Variants in SYTL2 observed in about 807,000 individuals in gnomAD.
SYTL2 encodes synaptotagmin-like protein 2.
A neutral mutation model predicts 198.7 loss-of-function variants in SYTL2; 165 were observed. The ratio of observed to expected loss-of-function variants is 0.83; its 90% CI spans 0.73 to 0.94. The LOEUF (loss-of-function observed/expected upper bound fraction) is 0.94. Among genes scored for constraint, SYTL2 ranks in the 40% least tolerant of loss-of-function variants. The probability of loss-of-function intolerance (pLI) is 0.00; values close to 1 mark genes in which losing one functional copy is unlikely to be tolerated. For synonymous variants in SYTL2, 966 were observed against 917.7 expected (o/e 1.05, Z -0.95); for missense variants, 2,835 against 2,582.8 (o/e 1.10, Z -2.12).
chr11:85,717,976 A>G (rs117884470), intron 10 of SYTL2, among the ~76,000 whole-genome samples: 3,135 of 152,306 alleles, frequency 0.021, 61 homozygotes, highest in Admixed American at 0.036. Context: ...ATAAAATAAG[A>G]AAGACAGAAC....
At chr11:85,821,578 C>A in the SYTL2 span, among the ~76,000 whole-genome samples, 1 of 152,104 alleles carries the variant, frequency 6.6e-6, no homozygotes, top group Non-Finnish European at 1.5e-5. Flanking sequence ...CCTGGAAAGT[C>A]CAGCAATGGT....
intron 1 of SYTL2, among the ~76,000 whole-genome samples, chr11:85,801,132 T>A (rs1378317234): frequency 6.6e-6 from 1 of 152,010 alleles, no homozygotes; most frequent in East Asian, 1.9e-4. Flanking sequence ...GCCTCTCTGC[T>A]CCTCCCTCTA....
intron 8 of SYTL2, among the ~76,000 whole-genome samples, chr11:85,723,244 G>A (rs141461475): frequency 4.1e-4 from 62 of 152,210 alleles, no homozygotes; most frequent in South Asian, 1.0e-3. Flanking sequence ...TGTGGAGATC[G>A]ACTCAGGTCA....
intron 9 of SYTL2, chr11:85,719,255 ATGCCTCTGGGAGGCT>A (rs1450287627): frequency 1.1e-5 from 13 of 1,182,290 alleles, no homozygotes; most frequent in Non-Finnish European, 1.3e-5. Context: ...TCATTCACAT[ATGCCTCTGGGAGGCT>A]TGCTTGGGAA....
rs2084913780 is a variant in SYTL2 at position 85,705,045 on chromosome 11, A to C, written c.6019-17T>G. On this transcript the variant is annotated splice_polypyrimidine_tract_variant and intron_variant, in intron 15 of 19. Transcript: ENST00000359152. Reference sequence around the variant, plus strand: ...AATTTTATACTGAAGTTCAAAGAAGAAAATTAAATGATGAAAAACATTACT... The same window carrying C: ...AATTTTATACTGAAGTTCAAAGAAGCAAATTAAATGATGAAAAACATTACT... The C allele has an allele frequency of 6.3e-7, 1 of 1,583,386 alleles. No individual in the cohort carries two copies. Among genetic ancestry groups the C allele is most frequent in the Non-Finnish European group, 8.7e-7 (1 of 1,154,604 alleles).
At chr11:85,802,107 C>T (rs2092897924) in intron 1 of SYTL2, among the ~76,000 whole-genome samples, 1 of 152,102 alleles carries the variant, frequency 6.6e-6, no homozygotes, top group South Asian at 2.1e-4. Flanking sequence ...GGCCACCGTG[C>T]CTGGCCTCCC....
At chr11:85,722,609 AC>A (rs1315923750) in intron 8 of SYTL2, among the ~76,000 whole-genome samples, 3 of 152,136 alleles carry the variant, frequency 2.0e-5, no homozygotes, top group African/African-American at 7.2e-5. Context: ...GTCAGTTTAC[AC>A]TAGCAACTCA....
chr11:85,745,796 A>C, intron 3 of SYTL2, 24 bp from the exon 4 acceptor site: 1 of 1,597,418 alleles, frequency 6.3e-7, no homozygotes, highest in Non-Finnish European at 8.6e-7. Flanking sequence ...CAGTAAAGAC[A>C]GGAAGGTTAT....
the SYTL2 span, among the ~76,000 whole-genome samples, chr11:85,845,683 C>T: frequency 9.9e-5 from 15 of 152,156 alleles, no homozygotes; most frequent in African/African-American, 2.2e-4. Flanking sequence ...CCGAGGTGGG[C>T]GGATCACGAG....
chr11:85,850,243 T>C, the SYTL2 span, among the ~76,000 whole-genome samples: 2 of 150,954 alleles, frequency 1.3e-5, no homozygotes, highest in East Asian at 1.9e-4. Context: ...ACAGGGACAA[T>C]TTGACTTCCT....
At chr11:85,721,691 G>C (rs1208501932) in intron 8 of SYTL2, among the ~76,000 whole-genome samples, 1 of 152,118 alleles carries the variant, frequency 6.6e-6, no homozygotes, top group Non-Finnish European at 1.5e-5. Context: ...ATCAATGAGT[G>C]ATTCGATTAA....
chr11:85,695,464 C>T, intron 19 of SYTL2, 124 bp from the exon 20 acceptor site: 1 of 665,504 alleles, frequency 1.5e-6, no homozygotes, highest in Non-Finnish European at 2.4e-6. Flanking sequence ...ACTGGGAGGG[C>T]AGATGTGAGA....
chr11:85,696,432 T>C lies in SYTL2; in HGVS notation c.6369-44A>G, dbSNP rs746176185. ...TTGTGGGAGCATTTTAGTAAGATAG[T>C]GAACATTCATGCTTTCAATACATAA... On this transcript the variant is annotated intron_variant, in intron 18 of 19. Transcript: ENST00000359152. 5 of 1,419,430 alleles carry C rather than the reference T, an allele frequency of 3.5e-6. No individual in the cohort carries two copies. The African/African-American group carries it at 7.0e-5, about 20-fold the overall frequency. 87.9% of individuals were successfully genotyped at this position (1,419,430 alleles called of 1,614,324 possible).
At chr11:85,706,373 AC>A (rs765955099) in intron 15 of SYTL2, among the ~76,000 whole-genome samples, 1 of 152,206 alleles carries the variant, frequency 6.6e-6, no homozygotes, top group Non-Finnish European at 1.5e-5. Flanking sequence ...CATGGAACTT[AC>A]AATTTAGTGG....
intron 4 of SYTL2, among the ~76,000 whole-genome samples, chr11:85,744,911 C>T (rs2091046283): frequency 6.6e-6 from 1 of 152,140 alleles, no homozygotes; most frequent in African/African-American, 2.4e-5. Context: ...TGTAGGCCCA[C>T]AATTGGCTGC....
At chr11:85,844,914 G>A in the SYTL2 span, among the ~76,000 whole-genome samples, 9 of 152,090 alleles carry the variant, frequency 5.9e-5, no homozygotes, top group Non-Finnish European at 1.3e-4. Context: ...CCAGCCTCCT[G>A]TCTCACTTCT....
At chr11:85,842,413 C>T in the SYTL2 span, among the ~76,000 whole-genome samples, 1 of 152,246 alleles carries the variant, frequency 6.6e-6, no homozygotes, top group African/African-American at 2.4e-5. Context: ...CCAGCTTCCT[C>T]ACCCTTTGGG....
chr11:85,853,517 A>C, the SYTL2 span: 1 of 251,566 alleles, frequency 4.0e-6, no homozygotes, highest in African/African-American at 2.4e-5. Flanking sequence ...AGGGACACAA[A>C]CACTGCGGAA....
intron 1 of SYTL2, among the ~76,000 whole-genome samples, chr11:85,775,221 TTTC>T (rs1364287163): frequency 1.3e-5 from 2 of 152,152 alleles, no homozygotes; most frequent in Non-Finnish European, 2.9e-5. Flanking sequence ...AAGTCTTTCT[TTTC>T]TTCTTTCTGT....
Sources: allele counts gnomAD v4.1 joint callset (sites outside exome capture counted in the v4.1 genomes callset), GRCh38; gene constraint gnomAD v4.1.1; transcripts MANE v1.5; gene names NCBI Gene and HGNC (gene_info 2026-07-23, HGNC 2026-07-21).